USP15: variants seen among roughly 807,000 people sequenced by gnomAD.
The protein encoded by USP15 is ubiquitin specific peptidase 15.
USP15 carries 18 observed loss-of-function variants against 127.1 expected under a neutral mutation model. The observed-to-expected ratio is 0.14, with a 90% CI of 0.10 to 0.21. The LOEUF (loss-of-function observed/expected upper bound fraction) is 0.21, where lower values mean the gene tolerates loss of function less well. Ranked by LOEUF, USP15 falls within the 10% of genes least tolerant of loss-of-function variation. USP15 has a pLI of 1.00. For missense variants in USP15, 805 were observed against 1,159.9 expected (o/e 0.69, Z 4.44); for synonymous variants, 364 against 393.7 (o/e 0.92, Z 0.89).
Position 62,350,389 on chromosome 12 carries a change from G to T in USP15, c.770+1082G>T, listed in dbSNP as rs568786447. 2.6e-5 allele frequency among the ~76,000 whole-genome samples: 4 copies of T among 152,100 alleles called. No homozygotes were observed. The South Asian group carries it at 8.3e-4, about 32-fold the overall frequency. ...GGAGGCATTGTAGACTAATACGAAT[G>T]GGCAGATTATCCAGGAAATATGGTT... On this transcript the variant is annotated intron_variant, in intron 7 of 21. Coordinates refer to ENST00000280377, the MANE Select transcript of USP15 (RefSeq NM_001252078.2).
chr12:62,356,752 A>G (rs747002300), intron 8 of USP15, among the ~76,000 whole-genome samples: 16 of 152,016 alleles, frequency 1.1e-4, no homozygotes, highest in Non-Finnish European at 2.4e-4. Flanking sequence ...ACATAGAGAC[A>G]ATTTAAATTT....
chr12:62,319,614 C>T (rs2064927959), intron 4 of USP15, among the ~76,000 whole-genome samples: 2 of 152,246 alleles, frequency 1.3e-5, no homozygotes, highest in South Asian at 4.1e-4. Context: ...CTAAAACATG[C>T]CAAGCACATT....
At chr12:62,305,589 A>T (rs2064459294) in intron 3 of USP15, 1 of 152,220 alleles carries the variant, frequency 6.6e-6, no homozygotes, top group South Asian at 2.1e-4. Flanking sequence ...GAGATGCAGG[A>T]AAACAGTGTA....
chr12:62,335,794 T>C, intron 6 of USP15: 1 of 985,440 alleles, frequency 1.0e-6, no homozygotes, highest in African/African-American at 1.7e-5. Flanking sequence ...AAAGTTCTTA[T>C]TTGTCTTTCT....
chr12:62,364,260 A>G (rs1051885532), intron 8 of USP15, among the ~76,000 whole-genome samples: 14 of 152,228 alleles, frequency 9.2e-5, no homozygotes, highest in African/African-American at 2.7e-4. Flanking sequence ...GACGGCTTCC[A>G]TTATCCCCAA....
At chr12:62,373,510 T>C (rs866900460) in intron 8 of USP15, among the ~76,000 whole-genome samples, 4 of 151,994 alleles carry the variant, frequency 2.6e-5, no homozygotes, top group South Asian at 2.1e-4. Flanking sequence ...ATTAATGATA[T>C]ATATTCAAGT....
At chr12:62,276,526 C>A (rs1156830766) in intron 1 of USP15, among the ~76,000 whole-genome samples, 1 of 151,800 alleles carries the variant, frequency 6.6e-6, no homozygotes, top group Non-Finnish European at 1.5e-5. Context: ...ATAATCTGTC[C>A]TTTATGTGCT....
At chr12:62,330,805 A>T (rs1020275775) in intron 6 of USP15, among the ~76,000 whole-genome samples, 2 of 151,602 alleles carry the variant, frequency 1.3e-5, no homozygotes, top group African/African-American at 4.8e-5. Flanking sequence ...ATGCACCTGT[A>T]GTCTCAGCTA....
intron 6 of USP15, chr12:62,335,733 A>G: frequency 4.1e-6 from 4 of 985,488 alleles, no homozygotes; most frequent in South Asian, 4.7e-5. Flanking sequence ...ACAGCCACCT[A>G]CATTTAAAAG....
chr12:62,285,348 A>C (rs1051457723), intron 1 of USP15, among the ~76,000 whole-genome samples: 1 of 152,078 alleles, frequency 6.6e-6, no homozygotes, highest in Non-Finnish European at 1.5e-5. Context: ...GCAGTATTTG[A>C]TTTTGTATTT....
At chr12:62,322,791 C>A (rs2065021007) in intron 5 of USP15, among the ~76,000 whole-genome samples, 1 of 152,082 alleles carries the variant, frequency 6.6e-6, no homozygotes, top group African/African-American at 2.4e-5. Flanking sequence ...AACCTTGTAC[C>A]TACTCTTCCA....
chr12:62,381,453 A>T (rs2066989107), intron 8 of USP15, 37 bp from the exon 9 acceptor site: 1 of 1,526,166 alleles, frequency 6.6e-7, no homozygotes, highest in Non-Finnish European at 8.8e-7. Context: ...ATTCATTATG[A>T]TTACTTTTAC....
intron 3 of USP15, among the ~76,000 whole-genome samples, chr12:62,308,485 T>C (rs563217885): frequency 6.6e-6 from 1 of 152,046 alleles, no homozygotes; most frequent in Admixed American, 6.6e-5. Flanking sequence ...CTATTGGGAG[T>C]GCACATACCT....
At chr12:62,357,755 T>C (rs368415053) in intron 8 of USP15, among the ~76,000 whole-genome samples, 1 of 152,124 alleles carries the variant, frequency 6.6e-6, no homozygotes, top group Non-Finnish European at 1.5e-5. Context: ...AGCTAGGCCT[T>C]TAGTTTTATT....
intron 7 of USP15, among the ~76,000 whole-genome samples, chr12:62,353,218 A>G (rs557152261): frequency 3.3e-5 from 5 of 152,168 alleles, no homozygotes; most frequent in African/African-American, 1.2e-4. Flanking sequence ...GACTATCTCA[A>G]TCTTTGAGCA....
intron 3 of USP15, chr12:62,303,595 C>G (rs2064384983): frequency 6.6e-6 from 1 of 151,590 alleles, no homozygotes; most frequent in Admixed American, 6.6e-5. Context: ...GGTTTGGGTC[C>G]CCCGACCCTC....
chr12:62,341,073 A>G (rs567985398), intron 6 of USP15, among the ~76,000 whole-genome samples: 88 of 152,288 alleles, frequency 5.8e-4, no homozygotes, highest in Non-Finnish European at 7.1e-4. Flanking sequence ...TTGGGTCCAC[A>G]TATATTTAGG....
At position 62,392,318 on chromosome 12, in the gene USP15, C is replaced by T; in HGVS notation, c.2351C>T (p.Pro784Leu). The T allele has an allele frequency of 4.4e-6, 7 of 1,607,622 alleles. No individual in the cohort carries two copies. Among genetic ancestry groups the T allele is most frequent in the Non-Finnish European group, 5.9e-6 (7 of 1,177,814 alleles). Residue 784 changes from proline to leucine, a missense_variant, in exon 18 of 22, where the codon CCC becomes CTC. Physicochemically the swap from Pro to Leu is moderately conservative, Grantham distance 98. Around this residue, in one of 11 missense-constraint regions of USP15, gnomAD observed 225 missense variants for 239.5 expected, o/e 0.94. Transcript: ENST00000280377. ...ESVEYKPPKK[P>L]FVKLKDCIEL... ...GTGGAGTATAAACCTCCTAAAAAACCCTTTGTGAAATTAAAAGATTGCATT... is the reference window on the plus strand; with the variant it reads ...GTGGAGTATAAACCTCCTAAAAAACTCTTTGTGAAATTAAAAGATTGCATT...
chr12:62,387,822 C>T (rs66507062), intron 11 of USP15, among the ~76,000 whole-genome samples: 34,120 of 151,982 alleles, frequency 0.22, 4,171 homozygotes, highest in African/African-American at 0.34. Flanking sequence ...AATGCTTATG[C>T]AAGAGTTGAG....
Sources: gnomAD v4.1 joint callset for allele counts (sites outside exome capture counted in the v4.1 genomes callset) on GRCh38, gnomAD v4.1.1 for gene constraint, gnomAD v4.1.1 regional missense constraint, MANE v1.5 for transcripts, NCBI Gene and HGNC (gene_info 2026-07-23, HGNC 2026-07-21) for gene names.